Variants in SORCS2 observed in about 807,000 individuals in gnomAD.
SORCS2 encodes the protein VPS10 domain-containing receptor SorCS2.
SORCS2 carries 100 observed loss-of-function variants against 141.6 expected under a neutral mutation model. The ratio of observed to expected loss-of-function variants is 0.71; its 90% CI spans 0.60 to 0.83. SORCS2 has a LOEUF of 0.83. Ranked by LOEUF, SORCS2 falls within the 40% of genes least tolerant of loss-of-function variation. SORCS2 has a pLI of 0.00. For synonymous variants in SORCS2, 789 were observed against 676.9 expected, an observed-to-expected ratio of 1.17 and a Z score of -2.57; for missense variants, 1,646 against 1,560.2, an observed-to-expected ratio of 1.05 and a Z score of -0.93.
intron 1 of SORCS2, among the ~76,000 whole-genome samples, chr4:7,207,492 G>A (rs1278708193): frequency 2.0e-5 from 3 of 152,194 alleles, no homozygotes; most frequent in Non-Finnish European, 2.9e-5. Flanking sequence ...AGGTTCAGTG[G>A]GCTGCCCCGA....
chr4:7,451,290 G>A (rs1454825740), intron 2 of SORCS2, among the ~76,000 whole-genome samples: 1 of 152,254 alleles, frequency 6.6e-6, no homozygotes, highest in Admixed American at 6.5e-5. Flanking sequence ...AGCAGCAGCA[G>A]CAGCGGCAGT....
intron 24 of SORCS2, among the ~76,000 whole-genome samples, 172 bp downstream of exon 24, chr4:7,733,593 C>G (rs1460404080): frequency 6.6e-6 from 1 of 152,158 alleles, no homozygotes; most frequent in Non-Finnish European, 1.5e-5. Context: ...CGCGCTCTCC[C>G]TCTGCGGATG....
chr4:7,715,065 C>A, intron 16 of SORCS2, 118 bp from the exon 17 acceptor site: 3 of 1,382,246 alleles, frequency 2.2e-6, no homozygotes, highest in Non-Finnish European at 2.0e-6. Context: ...CAGATGGGTG[C>A]ATAGCAGGCC....
intron 3 of SORCS2, among the ~76,000 whole-genome samples, chr4:7,620,237 T>C (rs1026856545): frequency 2.0e-5 from 3 of 152,186 alleles, no homozygotes; most frequent in Non-Finnish European, 2.9e-5. Flanking sequence ...TGCATTGTTT[T>C]CTTTGGTCTA....
Position 7,638,389 on chromosome 4 carries a change from A to G in SORCS2, c.710A>G (p.Glu237Gly). 6.3e-7 allele frequency: 1 copy of G among 1,577,600 alleles called. No individual in the cohort carries two copies. The highest frequency in any genetic ancestry group is 8.6e-7 in the Non-Finnish European group (1 of 1,165,648). Residue 237 changes from glutamate to glycine, a missense_variant, in exon 4 of 27, where the codon GAA becomes GGA. Coordinates refer to ENST00000507866, the MANE Select transcript of SORCS2 (RefSeq NM_020777.3). The stretch of plus-strand genomic sequence containing the variant: ...CAGAGCCTATTCCTCAGCGCAGACG[A>G]AGGCGCCACCTTTCAGAAGCAGCCC... ...RDQSLFLSADEGATFQKQPIP... is the reference protein window; with the variant it reads ...RDQSLFLSADGGATFQKQPIP...
At position 7,664,510 on chromosome 4, in the gene SORCS2, G is replaced by A; in HGVS notation, c.1071+39G>A. 1 of 1,481,676 alleles carries A rather than the reference G, an allele frequency of 6.7e-7. No individual in the cohort carries two copies. Among genetic ancestry groups the A allele is most frequent in the Non-Finnish European group, 9.2e-7 (1 of 1,084,074 alleles). 91.8% of individuals were successfully genotyped at this position (1,481,676 alleles called of 1,614,324 possible). ...TGGGGCTTTTGGAAATTGGCAACAG[G>A]TGACGTGGCGGATGACCCGTTCGCG... On this transcript the variant is annotated intron_variant, in intron 7 of 26. Transcript: ENST00000507866. This position sits in a 1 kb window ranked among gnomAD's most constrained non-coding sequence, Gnocchi z 4.7.
chr4:7,613,655 G>C (rs917275873), intron 3 of SORCS2, among the ~76,000 whole-genome samples: 3 of 152,076 alleles, frequency 2.0e-5, no homozygotes, highest in Non-Finnish European at 4.4e-5. Flanking sequence ...CTCCCACACT[G>C]GACAACCGAT....
At chr4:7,493,547 C>T (rs1731430845) in intron 2 of SORCS2, among the ~76,000 whole-genome samples, 1 of 152,204 alleles carries the variant, frequency 6.6e-6, no homozygotes, top group Non-Finnish European at 1.5e-5. Context: ...TTCTAAGCCA[C>T]TGCCTTGGGC....
intron 2 of SORCS2, among the ~76,000 whole-genome samples, chr4:7,427,984 G>C (rs1287417938): frequency 6.6e-6 from 1 of 152,136 alleles, no homozygotes; most frequent in Non-Finnish European, 1.5e-5. Flanking sequence ...CCAGAGGGCA[G>C]GAACAGGTTC....
intron 1 of SORCS2, among the ~76,000 whole-genome samples, chr4:7,282,405 G>A (rs1715941157): frequency 1.3e-5 from 2 of 152,296 alleles, no homozygotes; most frequent in Admixed American, 6.5e-5. Flanking sequence ...GCATAAGCCT[G>A]TATAATACCT....
At chr4:7,436,732 C>T (rs183495151) in intron 2 of SORCS2, among the ~76,000 whole-genome samples, 3 of 152,346 alleles carry the variant, frequency 2.0e-5, no homozygotes, top group Non-Finnish European at 4.4e-5. Flanking sequence ...TAGGTCAGTG[C>T]ACCATGGTGG....
chr4:7,625,895 G>GTGTAAGGCC (rs1039269807), intron 3 of SORCS2, among the ~76,000 whole-genome samples: 9 of 151,808 alleles, frequency 5.9e-5, no homozygotes, highest in African/African-American at 1.9e-4. Flanking sequence ...TCTCAGCACT[G>GTGTAAGGCC]TGTAAGGCCA....
chr4:7,373,506 T>TTTTA (rs1722412723), intron 1 of SORCS2, among the ~76,000 whole-genome samples: 2 of 104,550 alleles, frequency 1.9e-5, no homozygotes, highest in South Asian at 3.7e-4. Flanking sequence ...TTTTTTTTTT[T>TTTTA]GAGTCGGGGT....
intron 1 of SORCS2, among the ~76,000 whole-genome samples, chr4:7,390,594 G>A (rs751402941): frequency 2.4e-4 from 37 of 152,144 alleles, no homozygotes; most frequent in Non-Finnish European, 5.0e-4. Flanking sequence ...TTGTACCCGG[G>A]GCCATTGCCG....
chr4:7,500,173 C>A (rs917753283), intron 2 of SORCS2, among the ~76,000 whole-genome samples: 1 of 152,158 alleles, frequency 6.6e-6, no homozygotes, highest in Non-Finnish European at 1.5e-5. Context: ...GTCCAGCTCC[C>A]ACCTATCAGC....
intron 1 of SORCS2, among the ~76,000 whole-genome samples, chr4:7,347,618 G>A (rs1436412667): frequency 2.0e-5 from 3 of 152,136 alleles, no homozygotes; most frequent in Non-Finnish European, 4.4e-5. Context: ...CAAATCCCAC[G>A]CCTATCTCCA....
chr4:7,674,805 GA>G (rs113543508), intron 8 of SORCS2, among the ~76,000 whole-genome samples: 32,094 of 112,512 alleles, frequency 0.29, 4,791 homozygotes, highest in African/African-American at 0.46. Context: ...TTATTGTACA[GA>G]AAAAAAAAAA....
intron 1 of SORCS2, among the ~76,000 whole-genome samples, chr4:7,283,378 T>G (rs183322384): frequency 6.3e-4 from 96 of 152,232 alleles, no homozygotes; most frequent in Non-Finnish European, 9.4e-4. Flanking sequence ...AAGGTGGGTG[T>G]TGGCTGGAAG....
intron 1 of SORCS2, among the ~76,000 whole-genome samples, chr4:7,352,467 G>T (rs191347326): frequency 1.3e-5 from 2 of 152,332 alleles, no homozygotes; most frequent in Non-Finnish European, 2.9e-5. Context: ...GCTTACCCCT[G>T]CATCTTGCTG....
Sources: allele counts gnomAD v4.1 joint callset (sites outside exome capture counted in the v4.1 genomes callset), GRCh38; gene constraint gnomAD v4.1.1; non-coding constraint Gnocchi (gnomAD v3.1); transcripts MANE v1.5; gene names NCBI Gene and HGNC (gene_info 2026-07-23, HGNC 2026-07-21).